The following PDSS2 variants were observed in gnomAD, a reference collection of about 807,000 sequenced individuals.
PDSS2 encodes the protein decaprenyl diphosphate synthase subunit 2.
PDSS2 carries 31 observed loss-of-function variants against 44.5 expected under a neutral mutation model. The observed-to-expected ratio is 0.70, with a 90% confidence interval of 0.52 to 0.94. The LOEUF (loss-of-function observed/expected upper bound fraction) is 0.94, where lower values mean the gene tolerates loss of function less well. Among genes scored for constraint, PDSS2 ranks in the 40% least tolerant of loss-of-function variants. The probability of loss-of-function intolerance (pLI) is 0.00; values close to 1 mark genes in which losing one functional copy is unlikely to be tolerated. For missense variants in PDSS2, 452 were observed against 482.2 expected (o/e 0.94, Z 0.59); for synonymous variants, 157 against 180.3 (o/e 0.87, Z 1.03).
At chr6:107,371,784 A>G (rs1779135023) in intron 1 of PDSS2, among the ~76,000 whole-genome samples, 2 of 152,244 alleles carry the variant, frequency 1.3e-5, no homozygotes, top group Non-Finnish European at 2.9e-5. Context: ...AATTAACTAA[A>G]TTAAATAATT....
chr6:107,189,362 G>C (rs1475326100), intron 7 of PDSS2, among the ~76,000 whole-genome samples: 1 of 151,764 alleles, frequency 6.6e-6, no homozygotes, highest in African/African-American at 2.4e-5. Flanking sequence ...TTTTTAGACA[G>C]AGTCTTGCTC....
intron 2 of PDSS2, among the ~76,000 whole-genome samples, chr6:107,277,962 A>AAATAAATG (rs1338232657): frequency 3.3e-5 from 5 of 151,868 alleles, no homozygotes; most frequent in African/African-American, 1.2e-4. Flanking sequence ...TCTGTCTCAA[A>AAATAAATG]AATAAATGAA....
rs1360794338 is a variant in PDSS2, at chr6:107,264,173, A to G, written c.630+9856T>C. ...GGAAGTAAAATTACTATAACAGATA[A>G]GACAAACACAAATAGACAATAGCAT... On this transcript the variant is annotated intron_variant, in intron 3 of 7. Coordinates refer to ENST00000369037, the MANE Select transcript of PDSS2 (RefSeq NM_020381.4). 8 of 894,060 alleles carry G rather than the reference A, an allele frequency of 8.9e-6. No homozygotes were observed. The Admixed American group carries it at 3.1e-4, about 35-fold the overall frequency. The allele number at this position is 894,060 out of a possible 1,614,324, so 55.4% of individuals were successfully genotyped here. A position where few individuals can be genotyped will look rare whatever the true frequency, so the allele number is the denominator to read the frequency against.
chr6:107,370,096 G>A (rs1170050280), intron 1 of PDSS2, among the ~76,000 whole-genome samples: 1 of 152,086 alleles, frequency 6.6e-6, no homozygotes, highest in Non-Finnish European at 1.5e-5. Context: ...TTGAACTTCT[G>A]AGTTGTGGAA....
chr6:107,252,460 G>C (rs1217701772), intron 3 of PDSS2, among the ~76,000 whole-genome samples: 1 of 152,120 alleles, frequency 6.6e-6, no homozygotes, highest in Non-Finnish European at 1.5e-5. Flanking sequence ...TGGCTAAGGG[G>C]GTAGCGAAGA....
chr6:107,346,673 T>C (rs780439586), intron 1 of PDSS2, among the ~76,000 whole-genome samples: 4 of 152,160 alleles, frequency 2.6e-5, no homozygotes, highest in African/African-American at 4.8e-5. Flanking sequence ...TGGGGTCCAA[T>C]TCAGGTGTCT....
At chr6:107,178,329 G>A (rs1289445025) in intron 7 of PDSS2, among the ~76,000 whole-genome samples, 1 of 152,182 alleles carries the variant, frequency 6.6e-6, no homozygotes, top group Non-Finnish European at 1.5e-5. Flanking sequence ...TCTGTGCCAT[G>A]TAAGTGTAAT....
At chr6:107,424,242 T>A (rs769007986) in intron 1 of PDSS2, among the ~76,000 whole-genome samples, 8 of 151,906 alleles carry the variant, frequency 5.3e-5, no homozygotes, top group Non-Finnish European at 1.2e-4. Flanking sequence ...AGAGATAGGA[T>A]CTCCCTATGT....
chr6:107,228,282 C>T (rs546973306), intron 4 of PDSS2, among the ~76,000 whole-genome samples: 90 of 152,310 alleles, frequency 5.9e-4, no homozygotes, highest in Non-Finnish European at 1.1e-3. Context: ...TCTCTGCCTT[C>T]TCAATATCTA....
At chr6:107,181,617 C>T (rs1771985998) in intron 7 of PDSS2, among the ~76,000 whole-genome samples, 1 of 150,228 alleles carries the variant, frequency 6.7e-6, no homozygotes, top group Non-Finnish European at 1.5e-5. Context: ...TGGTCGGGCA[C>T]CGTGGCTCAC....
intron 1 of PDSS2, among the ~76,000 whole-genome samples, chr6:107,373,744 T>C (rs150751182): frequency 1.3e-5 from 2 of 152,178 alleles, no homozygotes; most frequent in Admixed American, 1.3e-4. Flanking sequence ...CCAGAGCCCA[T>C]AGTTTAAAGC....
intron 7 of PDSS2, among the ~76,000 whole-genome samples, chr6:107,172,676 T>G (rs1297953032): frequency 6.6e-6 from 1 of 152,056 alleles, no homozygotes; most frequent in South Asian, 2.1e-4. Context: ...AAACAGATGG[T>G]TTGTGGGCTC....
chr6:107,349,293 C>A (rs992810706), intron 1 of PDSS2, among the ~76,000 whole-genome samples: 1 of 151,950 alleles, frequency 6.6e-6, no homozygotes, highest in Admixed American at 6.5e-5. Context: ...ATTAGCTGGG[C>A]GTGGTGGCGG....
chr6:107,311,363 C>T (rs1582925823), intron 2 of PDSS2, among the ~76,000 whole-genome samples: 1 of 151,860 alleles, frequency 6.6e-6, no homozygotes, highest in East Asian at 1.9e-4. Flanking sequence ...TGTGCCATCA[C>T]TCCTGGTTAA....
chr6:107,210,610 T>C lies in PDSS2; in HGVS notation c.877-40A>G, dbSNP rs79397104. 5,552 of 1,274,694 alleles carry C rather than the reference T, an allele frequency of 4.4e-3. 183 individuals are homozygous for C. The African/African-American group carries it at 0.072, about 17-fold the overall frequency. The allele number at this position is 1,274,694 out of a possible 1,614,324, so 79.0% of individuals were successfully genotyped here. A position where few individuals can be genotyped will look rare whatever the true frequency, so the allele number is the denominator to read the frequency against. On this transcript the variant is annotated intron_variant, in intron 5 of 7. Transcript: ENST00000369037. ...TAAATGAGTAAATTAGTGAAATGTA[T>C]ATACACTAGTATGTTTTAGTTATAT...
chr6:107,219,989 G>C (rs1773546151), intron 4 of PDSS2, among the ~76,000 whole-genome samples: 1 of 152,188 alleles, frequency 6.6e-6, no homozygotes. Flanking sequence ...AAAACATTAT[G>C]CTAAGTGGAA....
chr6:107,398,508 T>C (rs181652359), intron 1 of PDSS2, among the ~76,000 whole-genome samples: 20 of 152,276 alleles, frequency 1.3e-4, no homozygotes, highest in African/African-American at 4.3e-4. Context: ...CAAAATATCC[T>C]TGGGGGTCTT....
chr6:107,351,073 A>C (rs1343271866), intron 1 of PDSS2, among the ~76,000 whole-genome samples: 1 of 152,194 alleles, frequency 6.6e-6, no homozygotes. Flanking sequence ...TTAAAAGTAA[A>C]AAAAAAAATT....
At position 107,277,638 on chromosome 6, in the gene PDSS2, T is replaced by G. The variant is rs140091872; in HGVS notation, c.432-3411A>C. ...AAGGGCTTGACCTAGGACACCGCCTTAGACATGGAGAGAAATAAATATAGA... is the reference window on the plus strand; with the variant it reads ...AAGGGCTTGACCTAGGACACCGCCTGAGACATGGAGAGAAATAAATATAGA... On this transcript the variant is annotated intron_variant, in intron 2 of 7. Coordinates refer to ENST00000369037, the MANE Select transcript of PDSS2 (RefSeq NM_020381.4). 3.0e-3 allele frequency among the ~76,000 whole-genome samples: 450 copies of G among 152,188 alleles called. 7 individuals are homozygous for G. The highest frequency in any genetic ancestry group is 0.014 in the Middle Eastern group (4 of 294).
Sources: gnomAD v4.1 joint callset for allele counts (sites outside exome capture counted in the v4.1 genomes callset) on GRCh38, gnomAD v4.1.1 for gene constraint, MANE v1.5 for transcripts, NCBI Gene and HGNC (gene_info 2026-07-23, HGNC 2026-07-21) for gene names.